The following PRKCE variants were observed in gnomAD, a reference collection of about 807,000 sequenced individuals.
The protein encoded by PRKCE is protein kinase C epsilon type.
A neutral mutation model predicts 85.4 loss-of-function variants in PRKCE; 16 were observed. The ratio of observed to expected loss-of-function variants is 0.19; its 90% CI spans 0.13 to 0.28. PRKCE has a LOEUF of 0.28. PRKCE is among the 10% of genes least tolerant of loss of function. The pLI is 1.00. For synonymous variants in PRKCE, 388 were observed against 371.5 expected (o/e 1.04, Z -0.51); for missense variants, 573 against 975.2 (o/e 0.59, Z 5.49).
At chr2:45,658,312 C>G (rs972817844) in intron 1 of PRKCE, among the ~76,000 whole-genome samples, 1 of 152,218 alleles carries the variant, frequency 6.6e-6, no homozygotes, top group Non-Finnish European at 1.5e-5. Context: ...TGGCCCAGTG[C>G]TATCACAGAC....
chr2:45,906,175 G>C (rs1024723605), intron 2 of PRKCE, among the ~76,000 whole-genome samples: 1 of 152,236 alleles, frequency 6.6e-6, no homozygotes, highest in African/African-American at 2.4e-5. Context: ...CTAAGACCTA[G>C]GTGAAGAATC....
chr2:45,718,024 G>A (rs1252617827), intron 1 of PRKCE, among the ~76,000 whole-genome samples: 2 of 152,210 alleles, frequency 1.3e-5, no homozygotes, highest in Non-Finnish European at 1.5e-5. Flanking sequence ...CATTGTTTTG[G>A]TGAATTTACC....
At chr2:45,804,237 C>T (rs898217418) in intron 1 of PRKCE, among the ~76,000 whole-genome samples, 1 of 152,164 alleles carries the variant, frequency 6.6e-6, no homozygotes. Flanking sequence ...TAGGAGCAAA[C>T]CCAATGCTGT....
At chr2:45,794,094 C>T (rs1156582104) in intron 1 of PRKCE, among the ~76,000 whole-genome samples, 1 of 152,138 alleles carries the variant, frequency 6.6e-6, no homozygotes, top group Admixed American at 6.5e-5. Context: ...AGCAGGGAGA[C>T]GCAGATGTTT....
intron 10 of PRKCE, among the ~76,000 whole-genome samples, chr2:46,035,923 G>T (rs1305818332): frequency 6.6e-6 from 1 of 152,218 alleles, no homozygotes; most frequent in Non-Finnish European, 1.5e-5. Flanking sequence ...GGCAATAACG[G>T]ATTAAAAAAT....
In PRKCE at chr2:46,159,796, A is replaced by G; in HGVS notation, c.2067+44A>G. 1 of 1,593,960 alleles carries G rather than the reference A, an allele frequency of 6.3e-7. No homozygotes were observed. Among genetic ancestry groups the G allele is most frequent in the South Asian group, 1.1e-5 (1 of 89,844 alleles). ...ACGTTCAGCACCATGGGTCGGGCCC[A>G]GGTACTTGCAGGACAGGCTGCGTGC... On this transcript the variant is annotated intron_variant, in intron 14 of 14. Coordinates refer to ENST00000306156, the MANE Select transcript of PRKCE (RefSeq NM_005400.3). The surrounding 1 kb of genome is among the most constrained non-coding windows in gnomAD (Gnocchi z 4.1).
intron 10 of PRKCE, among the ~76,000 whole-genome samples, chr2:46,081,003 A>ATTTTTAGAGGCAGGG (rs57380525): frequency 6.8e-6 from 1 of 148,034 alleles, no homozygotes; most frequent in Admixed American, 6.8e-5. Flanking sequence ...ACACACACAC[A>ATTTTTAGAGGCAGGG]TTTTTAGAGG....
chr2:46,186,730 A>G lies in PRKCE; in HGVS notation c.*1849A>G, dbSNP rs1344462873. ...TGGGGGAGAGAAAGGAATGTTTTTG[A>G]TGGTGGTTTCAAAGCTCGGACAGTA... is the stretch of plus-strand genomic sequence containing the variant. On this transcript the variant is annotated 3_prime_UTR_variant, in exon 15 of 15. Transcript: ENST00000306156. The G allele has an allele frequency of 6.6e-6, 1 of 152,550 alleles. No individual in the cohort carries two copies. Among genetic ancestry groups the G allele is most frequent in the Admixed American group, 6.5e-5 (1 of 15,272 alleles). 9.4% of individuals were successfully genotyped at this position (152,550 alleles called of 1,614,324 possible).
intron 2 of PRKCE, among the ~76,000 whole-genome samples, chr2:45,893,786 A>T (rs1395329327): frequency 2.0e-5 from 3 of 152,108 alleles, no homozygotes; most frequent in Non-Finnish European, 4.4e-5. Flanking sequence ...AGTTTTCTTA[A>T]TGAACAGCCA....
At chr2:45,980,670 T>G (rs2104564711) in intron 5 of PRKCE, among the ~76,000 whole-genome samples, 1 of 152,240 alleles carries the variant, frequency 6.6e-6, no homozygotes, top group South Asian at 2.1e-4. Flanking sequence ...CATCATCTCA[T>G]CAGAACTAAA....
intron 11 of PRKCE, among the ~76,000 whole-genome samples, chr2:46,135,573 A>G (rs1343330326): frequency 6.6e-6 from 1 of 152,162 alleles, no homozygotes; most frequent in Non-Finnish European, 1.5e-5. Flanking sequence ...ATTTGGAAGA[A>G]GAAAAGTAGT....
intron 10 of PRKCE, among the ~76,000 whole-genome samples, chr2:46,075,144 C>A (rs775161266): frequency 6.6e-6 from 1 of 152,202 alleles, no homozygotes; most frequent in South Asian, 2.1e-4. Context: ...GGTTTCACGC[C>A]GTTCTCCTGC....
At position 46,010,583 on chromosome 2, in the gene PRKCE, T is replaced by C. The variant is rs192398335; in HGVS notation, c.1437+66T>C. 56 of 1,598,028 alleles carry C rather than the reference T, an allele frequency of 3.5e-5. No individual in the cohort carries two copies. The Middle Eastern group carries it at 8.3e-4, about 24-fold the overall frequency. On this transcript the variant is annotated intron_variant, in intron 10 of 14. Coordinates refer to ENST00000306156, the MANE Select transcript of PRKCE (RefSeq NM_005400.3). ...TCTTGACTATCAGATAAAATACCAA[T>C]TTTAGACCCTCTACATTGTTCTCTC...
rs188920948 is a variant in PRKCE, at chr2:45,835,052, G to A, written c.349-7948G>A. Among the ~76,000 whole-genome samples, 5 of 152,296 alleles carry A rather than the reference G, an allele frequency of 3.3e-5. No homozygotes were observed. The East Asian group carries it at 7.7e-4, about 24-fold the overall frequency. On this transcript the variant is annotated intron_variant, in intron 1 of 14. Coordinates refer to ENST00000306156, the MANE Select transcript of PRKCE (RefSeq NM_005400.3). ...TGTGCCTGTGAGTGTGTTTGCACACGTGGGTGGGTGTGTGAATGTGCACGC... is the reference window on the plus strand; with the variant it reads ...TGTGCCTGTGAGTGTGTTTGCACACATGGGTGGGTGTGTGAATGTGCACGC...
intron 1 of PRKCE, among the ~76,000 whole-genome samples, chr2:45,679,658 G>A (rs1676735149): frequency 6.6e-6 from 1 of 152,090 alleles, no homozygotes; most frequent in African/African-American, 2.4e-5. Flanking sequence ...GCACAGAGTG[G>A]GTGCATGTGG....
intron 2 of PRKCE, among the ~76,000 whole-genome samples, chr2:45,972,822 T>C (rs10178657): frequency 0.18 from 27,306 of 152,164 alleles, 3,544 homozygotes; most frequent in East Asian, 0.56. Flanking sequence ...AAAGAATTAA[T>C]GTTTTGTTAA....
chr2:46,128,264 G>A (rs1674066515), intron 11 of PRKCE, among the ~76,000 whole-genome samples: 1 of 152,116 alleles, frequency 6.6e-6, no homozygotes, highest in Non-Finnish European at 1.5e-5. Flanking sequence ...CTGTTTACAT[G>A]ACAGTGATTT....
intron 10 of PRKCE, among the ~76,000 whole-genome samples, chr2:46,062,369 C>A (rs557655556): frequency 9.2e-5 from 14 of 152,270 alleles, no homozygotes; most frequent in African/African-American, 3.1e-4. Context: ...GCTCCCTGGG[C>A]AGATATGTCC....
chr2:45,662,298 C>T (rs1484571859), intron 1 of PRKCE, among the ~76,000 whole-genome samples: 1 of 152,146 alleles, frequency 6.6e-6, no homozygotes, highest in Non-Finnish European at 1.5e-5. Context: ...AGCATACACT[C>T]TACTAGGAGA....
Sources: allele counts gnomAD v4.1 joint callset (sites outside exome capture counted in the v4.1 genomes callset), GRCh38; gene constraint gnomAD v4.1.1; non-coding constraint Gnocchi (gnomAD v3.1); transcripts MANE v1.5; gene names NCBI Gene and HGNC (gene_info 2026-07-23, HGNC 2026-07-21).